Variants in HSD3B7 observed in about 807,000 individuals in gnomAD.
HSD3B7 encodes 3 beta-hydroxysteroid dehydrogenase type 7.
HSD3B7 carries 35 observed loss-of-function variants against 34.3 expected under a neutral mutation model. The ratio of observed to expected loss-of-function variants is 1.02; its 90% CI spans 0.78 to 1.35. HSD3B7 has a LOEUF of 1.35. Among genes scored for constraint, HSD3B7 ranks in the 40% most tolerant of loss-of-function variants. HSD3B7 has a pLI of 0.00. For synonymous variants in HSD3B7, 217 were observed against 220.1 expected (o/e 0.99, Z 0.13); for missense variants, 426 against 504.7 (o/e 0.84, Z 1.49).
At chr16:30,987,191 T>A in intron 6 of HSD3B7, 189 bp downstream of exon 6, 1 of 640,390 alleles carries the variant, frequency 1.6e-6, no homozygotes, top group South Asian at 2.0e-5. Flanking sequence ...TCCATGCAAG[T>A]TGGGACATTA....
At position 30,986,603 on chromosome 16, in the gene HSD3B7, A is replaced by G; in HGVS notation, c.432-2A>G. ...ATTGAGTCTTCCTTCTCCTCCCACCAGGGGCAACGAAGACACCCCATACGA... is the reference window on the plus strand; with the variant it reads ...ATTGAGTCTTCCTTCTCCTCCCACCGGGGGCAACGAAGACACCCCATACGA... On this transcript the variant is annotated splice_acceptor_variant, in intron 4 of 6. Transcript: ENST00000297679. LOFTEE classifies it high-confidence loss of function. 1 of 1,613,996 alleles carries G rather than the reference A, an allele frequency of 6.2e-7. No individual in the cohort carries two copies. The highest frequency in any genetic ancestry group is 8.5e-7 in the Non-Finnish European group (1 of 1,179,900).
chr16:30,987,746 G>A lies in HSD3B7; in HGVS notation c.695-22G>A, dbSNP rs200499862. 5.5e-5 allele frequency: 88 copies of A among 1,608,030 alleles called. No individual in the cohort carries two copies. The East Asian group carries it at 9.8e-4, about 18-fold the overall frequency. On this transcript the variant is annotated intron_variant, in intron 6 of 6. Coordinates refer to ENST00000297679, the MANE Select transcript of HSD3B7 (RefSeq NM_025193.4). ...TGCAAGGGCACTCAGGGGTGTGTCCGCCTCTCTTCCGCCACCGGCAGGCAA... is the reference window on the plus strand; with the variant it reads ...TGCAAGGGCACTCAGGGGTGTGTCCACCTCTCTTCCGCCACCGGCAGGCAA...
chr16:30,986,747 T>C, intron 5 of HSD3B7, 43 bp downstream of exon 5: 1 of 1,610,654 alleles, frequency 6.2e-7, no homozygotes, highest in South Asian at 1.1e-5. Context: ...GCTCCTGCCC[T>C]GCACACCCCC....
intron 5 of HSD3B7, 63 bp from the exon 6 acceptor site, chr16:30,986,777 A>C: frequency 6.2e-7 from 1 of 1,612,412 alleles, no homozygotes. Flanking sequence ...CAGCCCAAGG[A>C]GGCCGGGGCC....
In HSD3B7 at chr16:30,988,253, C is replaced by G; in HGVS notation, c.*70C>G. 1.4e-6 allele frequency: 2 copies of G among 1,433,144 alleles called. No individual in the cohort carries two copies. The highest frequency in any genetic ancestry group is 1.2e-5 in the South Asian group (1 of 80,860). 88.8% of individuals were successfully genotyped at this position (1,433,144 alleles called of 1,614,324 possible). A position where few individuals can be genotyped will look rare whatever the true frequency, so the allele number is the denominator to read the frequency against. Reference sequence around the variant, plus strand: ...AGGTCCCGAGCCCTCACACCCTGGACGGGAAGGGACAGCTGCATTCCAGAG... The same window carrying G: ...AGGTCCCGAGCCCTCACACCCTGGAGGGGAAGGGACAGCTGCATTCCAGAG... On this transcript the variant is annotated 3_prime_UTR_variant, in exon 7 of 7. Transcript: ENST00000297679.
At chr16:30,987,733 CA>C in intron 6 of HSD3B7, 34 bp from the exon 7 acceptor site, 5 of 1,605,174 alleles carry the variant, frequency 3.1e-6, no homozygotes, top group Non-Finnish European at 4.2e-6. Flanking sequence ...CAAGGGCACT[CA>C]GGGGTGTGTC....
At position 30,988,037 on chromosome 16, in the gene HSD3B7, T is replaced by C. The variant is rs550545582; in HGVS notation, c.964T>C (p.Tyr322His). Residue 322 changes from tyrosine (Y) to histidine (H), a missense_variant, in exon 7 of 7, where the codon TAC becomes CAC. Transcript: ENST00000297679. Reference sequence around the variant, plus strand: ...GCTCTACGCACCCCTGCTGAACCCCTACACGCTGGCCGTGGCCAACACCAC... The same window carrying C: ...GCTCTACGCACCCCTGCTGAACCCCCACACGCTGGCCGTGGCCAACACCAC... ...LVLYAPLLNP[Y>H]TLAVANTTFT... 5.0e-6 allele frequency: 8 copies of C among 1,607,410 alleles called. 1 individual carries two copies. Among genetic ancestry groups the C allele is most frequent in the African/African-American group, 4.0e-5 (3 of 75,056 alleles).
Position 30,986,156 on chromosome 16 carries a change from G to A in HSD3B7, c.274G>A (p.Val92Met), listed in dbSNP as rs1470687686. Reference sequence around the variant, plus strand: ...CATCCACACGGCTGGGCTGGTAGACGTGTTTGGCAGGGCCAGTCCCAAGAC... The same window carrying A: ...CATCCACACGGCTGGGCTGGTAGACATGTTTGGCAGGGCCAGTCCCAAGAC... ...VVIHTAGLVD[V>M]FGRASPKTIH... Residue 92 changes from valine to methionine, a missense_variant, in exon 3 of 7, where the codon GTG (valine) becomes ATG (methionine). By Grantham distance (21) the Val-to-Met change is conservative. Coordinates refer to ENST00000297679, the MANE Select transcript of HSD3B7 (RefSeq NM_025193.4). The A allele has an allele frequency of 6.8e-6, 11 of 1,614,048 alleles. No individual in the cohort carries two copies. Among genetic ancestry groups the A allele is most frequent in the Non-Finnish European group, 8.5e-6 (10 of 1,180,020 alleles).
rs1260358077 is a variant in HSD3B7 at position 30,986,544 on chromosome 16, C to T, written c.431+13C>T. ...ACCCCTTCTACAGGTGAGTGGCAGG[C>T]CCTCTTGTCCTCTAAGAGCCCATTT... On this transcript the variant is annotated intron_variant, in intron 4 of 6. Coordinates refer to ENST00000297679, the MANE Select transcript of HSD3B7 (RefSeq NM_025193.4). The T allele has an allele frequency of 6.2e-7, 1 of 1,612,050 alleles. No individual in the cohort carries two copies. The highest frequency in any genetic ancestry group is 1.3e-5 in the African/African-American group (1 of 74,902).
rs1268971334 is a variant in HSD3B7, at chr16:30,988,279, C to T, written c.*96C>T. ...GGGAAGGGACAGCTGCATTCCAGAG[C>T]AGGAGGCAGGGCTCTGGGGCCAGAA... On this transcript the variant is annotated 3_prime_UTR_variant, in exon 7 of 7. Transcript: ENST00000297679. The T allele has an allele frequency of 4.1e-6, 5 of 1,218,782 alleles. No homozygotes were observed. In the African/African-American group the frequency reaches 6.1e-5, roughly 15 times the overall value. 75.5% of individuals were successfully genotyped at this position (1,218,782 alleles called of 1,614,324 possible).
rs749799670 is a variant in HSD3B7 at position 30,986,584 on chromosome 16, TCTTC to T, written c.432-16_432-13del. 1.9e-6 allele frequency: 3 copies of T among 1,613,410 alleles called. No individual in the cohort carries two copies. The highest frequency in any genetic ancestry group is 2.5e-6 in the Non-Finnish European group (3 of 1,179,558). The stretch of plus-strand genomic sequence containing the variant: ...AGAGCCCATTTCCCTCAGCATTGAG[TCTTC>T]CTTCTCCTCCCACCAGGGGCAACGA... On this transcript the variant is annotated splice_polypyrimidine_tract_variant and intron_variant, in intron 4 of 6. Transcript: ENST00000297679.
chr16:30,987,997 G>A lies in HSD3B7; in HGVS notation c.924G>A (p.Leu308=). 6.2e-7 allele frequency: 1 copy of A among 1,609,756 alleles called. No individual in the cohort carries two copies. Among genetic ancestry groups the A allele is most frequent in the South Asian group, 1.1e-5 (1 of 91,090 alleles). ...LAALNALLQW[L]LRPLVLYAPL... The stretch of plus-strand genomic sequence containing the variant: ...CCCTCAATGCCCTGCTGCAGTGGCT[G>A]CTGCGGCCACTGGTGCTCTACGCAC... Residue 308 remains leucine, a synonymous_variant, in exon 7 of 7, where the codon CTG becomes CTA. Transcript: ENST00000297679.
chr16:30,985,227 G>A lies in HSD3B7; in HGVS notation c.-77G>A, dbSNP rs1270146525. 1.8e-6 allele frequency: 2 copies of A among 1,090,396 alleles called. No individual in the cohort carries two copies. Among genetic ancestry groups the A allele is most frequent in the East Asian group, 1.6e-4 (2 of 12,584 alleles). The allele number at this position is 1,090,396 out of a possible 1,614,324, so 67.5% of individuals were successfully genotyped here. Reference sequence around the variant, plus strand: ...GAGCCAGCGGAAGGACGGTGTGCGGGCCGGCCAGCCCTGGACGAAAGAAGA... The same window carrying A: ...GAGCCAGCGGAAGGACGGTGTGCGGACCGGCCAGCCCTGGACGAAAGAAGA... On this transcript the variant is annotated 5_prime_UTR_variant, in exon 1 of 7. Coordinates refer to ENST00000297679, the MANE Select transcript of HSD3B7 (RefSeq NM_025193.4).
chr16:30,985,443 C>T, intron 1 of HSD3B7, 146 bp downstream of exon 1: 1 of 1,454,254 alleles, frequency 6.9e-7, no homozygotes, highest in African/African-American at 1.4e-5. Flanking sequence ...AACCCTGACC[C>T]CTTCCTGCAC....
At chr16:30,987,262 A>G in intron 6 of HSD3B7, 1 of 528,246 alleles carries the variant, frequency 1.9e-6, no homozygotes, top group Admixed American at 3.2e-5. Flanking sequence ...TCCCCAGGAG[A>G]GGAGAGGAGA....
Position 30,985,750 on chromosome 16 carries a change from A to G in HSD3B7, c.92A>G (p.Gln31Arg). The change falls in exon 2 of 7, where the codon CAG becomes CGG. Residue 31 changes from glutamine to arginine, a missense_variant. By Grantham distance (43) the Gln-to-Arg change is conservative (BLOSUM62 1). Transcript: ENST00000297679. ...GAGCACGTGGTGCGAATGCTGCTGCAGCGGGAGCCCCGGCTCGGGGAGCTG... is the reference window on the plus strand; with the variant it reads ...GAGCACGTGGTGCGAATGCTGCTGCGGCGGGAGCCCCGGCTCGGGGAGCTG... ...LGEHVVRMLL[Q>R]REPRLGELRV... is the part of the protein sequence containing the mutation. 6.2e-6 allele frequency: 10 copies of G among 1,607,068 alleles called. No homozygotes were observed. Among genetic ancestry groups the G allele is most frequent in the Non-Finnish European group, 8.5e-6 (10 of 1,178,118 alleles).
chr16:30,986,094 A>G lies in HSD3B7; in HGVS notation c.212A>G (p.His71Arg), dbSNP rs569351895. The G allele has an allele frequency of 2.9e-5, 47 of 1,613,828 alleles. 1 individual carries two copies. In the South Asian group the frequency reaches 5.1e-4, roughly 17 times the overall value. Residue 71 changes from histidine to arginine, a missense_variant, in exon 3 of 7, where the codon CAT becomes CGT. Coordinates refer to ENST00000297679, the MANE Select transcript of HSD3B7 (RefSeq NM_025193.4). ...TAIQGDVTQA[H>R]EVAAAVAGAH... The stretch of plus-strand genomic sequence containing the variant: ...ATCCAGGGGGACGTGACCCAGGCCC[A>G]TGAGGTGGCAGCAGCTGTGGCCGGA...
chr16:30,985,928 T>C (rs747728878), intron 2 of HSD3B7, 104 bp downstream of exon 2: 1 of 1,580,868 alleles, frequency 6.3e-7, no homozygotes, highest in East Asian at 2.2e-5. Flanking sequence ...TGCTGGTTTC[T>C]GTCCACATGG....
chr16:30,986,042 C>T lies in HSD3B7; in HGVS notation c.167-7C>T, dbSNP rs143498420. On this transcript the variant is annotated splice_region_variant and splice_polypyrimidine_tract_variant and intron_variant, in intron 2 of 6. Coordinates refer to ENST00000297679, the MANE Select transcript of HSD3B7 (RefSeq NM_025193.4). ...TGACATGGCCTGTGTCCTCCAACCC[C>T]GGCCAGGGCCTGTGAGGGTGACTGC... The T allele has an allele frequency of 1.4e-3, 2,259 of 1,612,330 alleles. 32 individuals carry two copies. In the African/African-American group the frequency reaches 0.027, roughly 19 times the overall value.
Sources: allele counts gnomAD v4.1 joint callset, GRCh38; gene constraint gnomAD v4.1.1; transcripts MANE v1.5; gene names NCBI Gene and HGNC (gene_info 2026-07-23, HGNC 2026-07-21).